CFAP299: variants seen among roughly 807,000 people sequenced by gnomAD.
The protein encoded by CFAP299 is cilia and flagella associated protein 299, also known as cilia- and flagella-associated protein 299.
Under a neutral mutation model 27.0 loss-of-function variants are expected in CFAP299, and 21 were observed. That is an observed-to-expected ratio of 0.78 (90% confidence interval 0.55 to 1.12). The LOEUF (loss-of-function observed/expected upper bound fraction) is 1.12. Ranked by LOEUF, CFAP299 falls within the 50% of genes most tolerant of loss-of-function variation. The pLI is 0.00. For synonymous variants in CFAP299, 104 were observed against 98.1 expected (o/e 1.06, Z -0.36); for missense variants, 310 against 276.6 (o/e 1.12, Z -0.86).
chr4:80,511,902 G>A, intron 2 of CFAP299, among the ~76,000 whole-genome samples: 1 of 152,060 alleles, frequency 6.6e-6, no homozygotes, highest in East Asian at 1.9e-4. Context: ...TACTACACTA[G>A]GAGTAAGATT....
At chr4:80,955,926 G>A (rs1738041556) in intron 5 of CFAP299, among the ~76,000 whole-genome samples, 1 of 152,122 alleles carries the variant, frequency 6.6e-6, no homozygotes, top group African/African-American at 2.4e-5. Context: ...CTTGAACCTG[G>A]GAGGCAGAGA....
chr4:80,533,944 G>A (rs886094016), intron 2 of CFAP299, among the ~76,000 whole-genome samples: 7 of 152,020 alleles, frequency 4.6e-5, no homozygotes, highest in African/African-American at 1.7e-4. Context: ...ATAATATTAT[G>A]TACAAATAGT....
At chr4:80,557,310 A>G (rs59785350) in intron 2 of CFAP299, among the ~76,000 whole-genome samples, 6,939 of 152,154 alleles carry the variant, frequency 0.046, 557 homozygotes, top group African/African-American at 0.16. Context: ...TGTCTCACAA[A>G]AGCAGTTCAT....
intron 3 of CFAP299, among the ~76,000 whole-genome samples, chr4:80,749,461 G>T (rs1191722734): frequency 6.6e-6 from 1 of 152,174 alleles, no homozygotes; most frequent in East Asian, 1.9e-4. Context: ...GTTTATTTAG[G>T]AAAATTGACT....
chr4:80,796,038 T>C (rs1013039297), intron 3 of CFAP299, among the ~76,000 whole-genome samples: 3 of 152,160 alleles, frequency 2.0e-5, no homozygotes, highest in South Asian at 2.1e-4. Flanking sequence ...CCTGGACCTA[T>C]TGCAGTGCCT....
intron 3 of CFAP299, among the ~76,000 whole-genome samples, chr4:80,700,700 T>G (rs1721419764): frequency 1.3e-5 from 2 of 152,048 alleles, no homozygotes; most frequent in African/African-American, 2.4e-5. Flanking sequence ...GTTTAGCCTA[T>G]TCTATCAAGA....
At chr4:80,615,133 G>A (rs958200613) in intron 3 of CFAP299, among the ~76,000 whole-genome samples, 15 of 152,026 alleles carry the variant, frequency 9.9e-5, no homozygotes, top group Non-Finnish European at 5.9e-5. Flanking sequence ...CCTCTATGCA[G>A]CCACTAACTT....
intron 4 of CFAP299, among the ~76,000 whole-genome samples, chr4:80,883,792 A>G (rs1333098212): frequency 1.3e-5 from 2 of 152,198 alleles, no homozygotes; most frequent in African/African-American, 4.8e-5. Context: ...AACAGATTTG[A>G]AGGGAGAGAT....
chr4:80,854,274 T>G (rs2110150763), intron 3 of CFAP299, among the ~76,000 whole-genome samples: 1 of 152,244 alleles, frequency 6.6e-6, no homozygotes, highest in East Asian at 1.9e-4. Context: ...AAATAGTTGG[T>G]GTGAGAAACA....
Position 80,728,579 on chromosome 4 carries a change from A to G in CFAP299, c.334-141414A>G, listed in dbSNP as rs80350529. On this transcript the variant is annotated intron_variant, in intron 3 of 5. Coordinates refer to ENST00000358105, the MANE Select transcript of CFAP299 (RefSeq NM_152770.3). ...CCAAAATAATCTTATTAACCAATCC[A>G]GAAGCCTGGAAACTAACCTCACCCA... Among the ~76,000 whole-genome samples the G allele has an allele frequency of 5.0e-3, 755 of 152,302 alleles. 15 individuals carry two copies. The highest frequency in any genetic ancestry group is 0.018 in the African/African-American group (728 of 41,556).
At position 80,576,093 on chromosome 4, in the gene CFAP299, G is replaced by C. The variant is rs192886616; in HGVS notation, c.243-7000G>C. ...GAGATATACCTAATGTAAATGACGA[G>C]TTAATGGGTGCAGCACACCAACATG... On this transcript the variant is annotated intron_variant, in intron 2 of 5. Transcript: ENST00000358105. 5.1e-3 allele frequency among the ~76,000 whole-genome samples: 769 copies of C among 151,748 alleles called. 5 individuals carry two copies. The highest frequency in any genetic ancestry group is 0.021 in the Middle Eastern group (6 of 290).
At chr4:80,551,627 G>A (rs1303549339) in intron 2 of CFAP299, among the ~76,000 whole-genome samples, 2 of 152,014 alleles carry the variant, frequency 1.3e-5, no homozygotes, top group Non-Finnish European at 2.9e-5. Context: ...TCCTTGAAAT[G>A]AGTTTTAGTT....
At chr4:80,356,149 A>G (rs1723270781) in intron 1 of CFAP299, among the ~76,000 whole-genome samples, 1 of 151,662 alleles carries the variant, frequency 6.6e-6, no homozygotes, top group Admixed American at 6.6e-5. Context: ...AGATGGTTGT[A>G]GACATGTGGC....
chr4:80,544,005 T>A (rs2110201765), intron 2 of CFAP299, among the ~76,000 whole-genome samples: 1 of 152,272 alleles, frequency 6.6e-6, no homozygotes, highest in East Asian at 1.9e-4. Context: ...ACAGAAGATG[T>A]TTCAGTAGAA....
chr4:80,946,433 A>G (rs1188490650), intron 5 of CFAP299, among the ~76,000 whole-genome samples: 1 of 152,164 alleles, frequency 6.6e-6, no homozygotes, highest in Non-Finnish European at 1.5e-5. Flanking sequence ...GATGCCTTTA[A>G]AGGGAGTTTC....
At chr4:80,550,488 A>T (rs561198986) in intron 2 of CFAP299, among the ~76,000 whole-genome samples, 23 of 152,224 alleles carry the variant, frequency 1.5e-4, no homozygotes, top group African/African-American at 5.1e-4. Context: ...GCCAAGTCTC[A>T]ACTTCAGTCT....
At chr4:80,592,420 C>G (rs1198326471) in intron 3 of CFAP299, among the ~76,000 whole-genome samples, 3 of 152,132 alleles carry the variant, frequency 2.0e-5, no homozygotes, top group African/African-American at 7.2e-5. Context: ...CTAACCTTAA[C>G]AAGTACCATG....
chr4:80,408,264 C>G (rs1402700241), intron 2 of CFAP299, among the ~76,000 whole-genome samples: 1 of 152,188 alleles, frequency 6.6e-6, no homozygotes. Context: ...TCTTTTGACT[C>G]TACATCCTAG....
chr4:80,808,905 A>C (rs1319216114), intron 3 of CFAP299, among the ~76,000 whole-genome samples: 9 of 152,132 alleles, frequency 5.9e-5, no homozygotes, highest in Non-Finnish European at 4.4e-5. Flanking sequence ...TCACATAAGC[A>C]TTATAAATTT....
Sources: gnomAD v4.1 joint callset for allele counts (sites outside exome capture counted in the v4.1 genomes callset) on GRCh38, gnomAD v4.1.1 for gene constraint, MANE v1.5 for transcripts, NCBI Gene and HGNC (gene_info 2026-07-23, HGNC 2026-07-21) for gene names.